DDX10: variants seen among roughly 807,000 people sequenced by gnomAD.
DDX10 encodes DEAD-box helicase 10, also known as probable ATP-dependent RNA helicase DDX10.
In DDX10, 74 loss-of-function variants were observed where a neutral mutation model predicts 104.3. That is an observed-to-expected ratio of 0.71 (90% CI 0.59 to 0.86). The LOEUF is 0.86. DDX10 is among the 40% of genes least tolerant of loss of function. The probability of loss-of-function intolerance (pLI) is 0.00; values close to 1 mark genes in which losing one functional copy is unlikely to be tolerated. For missense variants in DDX10, 952 were observed against 1,040.0 expected (o/e 0.92, Z 1.16); for synonymous variants, 351 against 353.4 (o/e 0.99, Z 0.08).
chr11:108,715,826 T>C lies in DDX10; in HGVS notation c.1323-53T>C, dbSNP rs2094290591. ...ATAGGAAAATGCTGCTTACTATTTT[T>C]AGTCTCCAAATTTGAGATATCTTAT... On this transcript the variant is annotated intron_variant, in intron 10 of 17. Coordinates refer to ENST00000322536, the MANE Select transcript of DDX10 (RefSeq NM_004398.4). 6.7e-6 allele frequency: 6 copies of C among 898,072 alleles called. No homozygotes were observed. In the East Asian group the frequency reaches 1.2e-4, roughly 19 times the overall value. 55.6% of individuals were successfully genotyped at this position (898,072 alleles called of 1,614,324 possible). A position where few individuals can be genotyped will look rare whatever the true frequency, so the allele number is the denominator to read the frequency against.
At chr11:108,818,904 G>A (rs1862289332) in intron 13 of DDX10, among the ~76,000 whole-genome samples, 1 of 152,170 alleles carries the variant, frequency 6.6e-6, no homozygotes. Context: ...TTTGCATCTT[G>A]TTAGTATCTG....
intron 6 of DDX10, among the ~76,000 whole-genome samples, chr11:108,688,043 A>G (rs1019732212): frequency 1.2e-4 from 19 of 152,226 alleles, no homozygotes; most frequent in African/African-American, 4.3e-4. Context: ...ATATATGGAT[A>G]GAATCTTCAT....
intron 11 of DDX10, 43 bp from the exon 12 acceptor site, chr11:108,719,754 T>G (rs1165715215): frequency 1.6e-6 from 2 of 1,275,604 alleles, no homozygotes; most frequent in East Asian, 4.7e-5. Flanking sequence ...AAACTCATTT[T>G]TAATTTCTAT....
chr11:108,782,049 G>T (rs1565276697), intron 13 of DDX10, among the ~76,000 whole-genome samples: 3 of 152,136 alleles, frequency 2.0e-5, no homozygotes, highest in Non-Finnish European at 4.4e-5. Flanking sequence ...GCAGAACATG[G>T]TGTTCATTTG....
chr11:108,665,797 T>A (rs139386917), intron 1 of DDX10, among the ~76,000 whole-genome samples: 64 of 152,250 alleles, frequency 4.2e-4, no homozygotes, highest in African/African-American at 1.5e-3. Context: ...GGTGTGGAAT[T>A]GGAAGCTAGA....
chr11:108,712,709 AAACTT>A lies in DDX10; in HGVS notation c.1323-3168_1323-3164del, dbSNP rs2094286065. Among the ~76,000 whole-genome samples the A allele has an allele frequency of 1.3e-5, 2 of 152,126 alleles. 1 individual carries two copies. Among genetic ancestry groups the A allele is most frequent in the South Asian group, 4.1e-4 (2 of 4,830 alleles). On this transcript the variant is annotated intron_variant, in intron 10 of 17. Transcript: ENST00000322536. Reference sequence around the variant, plus strand: ...ACACGCTGGGGCTATTAATTTGAAAAAACTTAGATTAAGAATAAGAAAAATTTTAT... The same window carrying A: ...ACACGCTGGGGCTATTAATTTGAAAAAGATTAAGAATAAGAAAAATTTTAT...
intron 17 of DDX10, among the ~76,000 whole-genome samples, chr11:108,926,519 C>T (rs1381334793): frequency 1.3e-5 from 2 of 152,144 alleles, no homozygotes; most frequent in African/African-American, 4.8e-5. Flanking sequence ...TCTCCTTTTG[C>T]AGTTATGTTT....
chr11:108,691,432 G>C (rs1026825783), intron 7 of DDX10, among the ~76,000 whole-genome samples: 1 of 152,116 alleles, frequency 6.6e-6, no homozygotes, highest in African/African-American at 2.4e-5. Context: ...CACACATTGA[G>C]ATATATTTAC....
At chr11:108,752,329 A>G (rs1326573548) in intron 13 of DDX10, among the ~76,000 whole-genome samples, 2 of 152,124 alleles carry the variant, frequency 1.3e-5, no homozygotes, top group African/African-American at 4.8e-5. Flanking sequence ...GTCCTAGTGC[A>G]TCTGTCAGTG....
intron 13 of DDX10, among the ~76,000 whole-genome samples, chr11:108,773,223 ATGGTTTCTCTCATCATTTGAG>A: frequency 6.6e-6 from 1 of 152,216 alleles, no homozygotes; most frequent in East Asian, 1.9e-4. Flanking sequence ...AGGAGTAAGA[ATGGTTTCTCTCATCATTTGAG>A]TGAAATCTAC....
At chr11:108,869,042 C>A (rs1336461486) in intron 16 of DDX10, among the ~76,000 whole-genome samples, 1 of 144,548 alleles carries the variant, frequency 6.9e-6, no homozygotes, top group African/African-American at 2.6e-5. Flanking sequence ...TTTTGAAAGT[C>A]TGGGCAGGAA....
intron 6 of DDX10, among the ~76,000 whole-genome samples, chr11:108,688,345 C>CTATCTGGTATACCTAGTAAAT (rs1464246678): frequency 6.6e-6 from 1 of 152,198 alleles, no homozygotes; most frequent in Non-Finnish European, 1.5e-5. Flanking sequence ...TTATACCAAA[C>CTATCTGGTATACCTAGTAAAT]ACCTAGATAC....
At chr11:108,828,300 C>T (rs1279195946) in intron 13 of DDX10, among the ~76,000 whole-genome samples, 1 of 152,084 alleles carries the variant, frequency 6.6e-6, no homozygotes, top group Admixed American at 6.5e-5. Context: ...TCTCCCTTGC[C>T]ATCCCCAACC....
chr11:108,679,363 T>G lies in DDX10; in HGVS notation c.659-8T>G. 6.3e-7 allele frequency: 1 copy of G among 1,582,790 alleles called. No homozygotes were observed. Among genetic ancestry groups the G allele is most frequent in the Non-Finnish European group, 8.5e-7 (1 of 1,169,636 alleles). On this transcript the variant is annotated splice_polypyrimidine_tract_variant and splice_region_variant and intron_variant, in intron 5 of 17. Coordinates refer to ENST00000322536, the MANE Select transcript of DDX10 (RefSeq NM_004398.4). ...TATGATAGTTCAACTTGCATTTTCCTTTTTCAGTTCTTGATGAAGCAGATA... is the reference window on the plus strand; with the variant it reads ...TATGATAGTTCAACTTGCATTTTCCGTTTTCAGTTCTTGATGAAGCAGATA...
intron 10 of DDX10, among the ~76,000 whole-genome samples, chr11:108,708,881 G>A (rs899854360): frequency 6.6e-6 from 1 of 152,210 alleles, no homozygotes; most frequent in Non-Finnish European, 1.5e-5. Context: ...GTTTTGTGGT[G>A]ATGTTCCCTT....
intron 14 of DDX10, 95 bp from the exon 15 acceptor site, chr11:108,841,220 G>C: frequency 1.0e-6 from 1 of 1,002,316 alleles, no homozygotes; most frequent in Middle Eastern, 3.3e-4. Context: ...CAGAAAATGG[G>C]TATCTGCACC....
intron 13 of DDX10, among the ~76,000 whole-genome samples, chr11:108,767,616 G>C (rs973032695): frequency 1.3e-5 from 2 of 152,174 alleles, no homozygotes; most frequent in Non-Finnish European, 2.9e-5. Context: ...CTTAGATTCT[G>C]CTATTTTATC....
intron 16 of DDX10, among the ~76,000 whole-genome samples, chr11:108,886,326 TA>T: frequency 6.6e-6 from 1 of 152,292 alleles, no homozygotes; most frequent in Non-Finnish European, 1.5e-5. Flanking sequence ...TCAGAAAGCT[TA>T]GGTAAAATAC....
intron 13 of DDX10, among the ~76,000 whole-genome samples, chr11:108,736,404 A>G (rs532653210): frequency 5.9e-5 from 9 of 152,168 alleles, no homozygotes; most frequent in South Asian, 2.1e-4. Flanking sequence ...CACCCTTTCT[A>G]TGCCTCTTGG....
Sources: allele counts gnomAD v4.1 joint callset (sites outside exome capture counted in the v4.1 genomes callset), GRCh38; gene constraint gnomAD v4.1.1; transcripts MANE v1.5; gene names NCBI Gene and HGNC (gene_info 2026-07-23, HGNC 2026-07-21).